The following TACC1 variants were observed in gnomAD, a reference collection of about 807,000 sequenced individuals.
The protein encoded by TACC1 is transforming acidic coiled-coil-containing protein 1.
A neutral mutation model predicts 84.4 loss-of-function variants in TACC1; 48 were observed. The observed-to-expected ratio is 0.57, with a 90% CI of 0.45 to 0.72. The LOEUF (loss-of-function observed/expected upper bound fraction) is 0.72, where lower values mean the gene tolerates loss of function less well. Ranked by LOEUF, TACC1 falls within the 30% of genes least tolerant of loss-of-function variation. TACC1 has a pLI of 0.00. For synonymous variants in TACC1, 372 were observed against 376.3 expected, an observed-to-expected ratio of 0.99 and a Z score of 0.13; for missense variants, 920 against 973.0, an observed-to-expected ratio of 0.95 and a Z score of 0.72.
At chr8:38,753,130 C>T (rs571907764) in intron 3 of TACC1, among the ~76,000 whole-genome samples, 3 of 152,150 alleles carry the variant, frequency 2.0e-5, no homozygotes, top group South Asian at 4.1e-4. Flanking sequence ...GACAGACTAT[C>T]GCTGTGTCGC....
chr8:38,818,523 T>C (rs904622439), intron 2 of TACC1, among the ~76,000 whole-genome samples: 3 of 152,210 alleles, frequency 2.0e-5, no homozygotes, highest in African/African-American at 7.2e-5. Context: ...CACAAGTGAT[T>C]TAGAGAATTC....
chr8:38,828,539 C>T (rs1009720077), intron 5 of TACC1, among the ~76,000 whole-genome samples: 1 of 152,062 alleles, frequency 6.6e-6, no homozygotes, highest in South Asian at 2.1e-4. Flanking sequence ...GGTAATAAAC[C>T]AGGGGAACTT....
At chr8:38,800,578 C>A (rs1176785918) in intron 2 of TACC1, among the ~76,000 whole-genome samples, 1 of 152,188 alleles carries the variant, frequency 6.6e-6, no homozygotes, top group Admixed American at 6.5e-5. Flanking sequence ...TATGTTGTAG[C>A]AAGTATCGGG....
chr8:38,814,554 T>C (rs1007772190), intron 2 of TACC1, among the ~76,000 whole-genome samples: 5 of 152,200 alleles, frequency 3.3e-5, no homozygotes, highest in Admixed American at 6.5e-5. Flanking sequence ...GTAGTAAATA[T>C]ACCATCTAGG....
intron 1 of TACC1, among the ~76,000 whole-genome samples, chr8:38,738,922 A>G (rs1282580451): frequency 6.6e-6 from 1 of 151,602 alleles, no homozygotes; most frequent in East Asian, 1.9e-4. Flanking sequence ...CTGAGCTCAC[A>G]CTCTGTCGCC....
At chr8:38,737,232 C>A (rs1448320623) in intron 1 of TACC1, among the ~76,000 whole-genome samples, 1 of 152,190 alleles carries the variant, frequency 6.6e-6, no homozygotes, top group Non-Finnish European at 1.5e-5. Flanking sequence ...CGCCTTCCCA[C>A]CAACTGGCCT....
In TACC1 at chr8:38,849,420, TG is replaced by T. The variant is rs1468702623; in HGVS notation, c.*1398del. The T allele has an allele frequency of 6.6e-6, 1 of 152,224 alleles. No individual in the cohort carries two copies. Among genetic ancestry groups the T allele is most frequent in the Non-Finnish European group, 1.5e-5 (1 of 68,038 alleles). The allele number at this position is 152,224 out of a possible 1,614,324, so 9.4% of individuals were successfully genotyped here. A position where few individuals can be genotyped will look rare whatever the true frequency, so the allele number is the denominator to read the frequency against. ...ATTTGAATAGGCAAACCCAAATCCA[TG>T]CAAGTGTTTTAAAGCACTGTCCTGT... On this transcript the variant is annotated 3_prime_UTR_variant, in exon 13 of 13. Transcript: ENST00000317827.
intron 3 of TACC1, among the ~76,000 whole-genome samples, chr8:38,771,963 C>T (rs1055524815): frequency 1.3e-5 from 2 of 151,924 alleles, no homozygotes; most frequent in African/African-American, 4.8e-5. Flanking sequence ...GCCCAGGGAC[C>T]ACACATTCAG....
chr8:38,755,752 C>CAACAACA (rs1554496270), intron 3 of TACC1, among the ~76,000 whole-genome samples: 4 of 93,042 alleles, frequency 4.3e-5, no homozygotes, highest in Non-Finnish European at 1.1e-4. Context: ...ACAACAACAA[C>CAACAACA]AGAGTGTTCC....
chr8:38,789,803 G>A (rs1217756747), intron 2 of TACC1, among the ~76,000 whole-genome samples: 1 of 152,186 alleles, frequency 6.6e-6, no homozygotes, highest in Non-Finnish European at 1.5e-5. Flanking sequence ...GTAAGGTGGA[G>A]GGTTCATGGT....
At chr8:38,757,068 C>T (rs1486805514) in intron 3 of TACC1, among the ~76,000 whole-genome samples, 3 of 152,212 alleles carry the variant, frequency 2.0e-5, no homozygotes, top group Admixed American at 6.5e-5. Context: ...TGCCCGGGCT[C>T]CCCGCAGCCC....
intron 3 of TACC1, among the ~76,000 whole-genome samples, chr8:38,763,604 G>A (rs1208183040): frequency 6.6e-6 from 1 of 152,096 alleles, no homozygotes; most frequent in Non-Finnish European, 1.5e-5. Flanking sequence ...CTCATCATCT[G>A]GAGATAATTG....
chr8:38,775,895 TA>T (rs773816334), intron 3 of TACC1, among the ~76,000 whole-genome samples: 1 of 152,174 alleles, frequency 6.6e-6, no homozygotes, highest in Non-Finnish European at 1.5e-5. Context: ...CATAGTTCTA[TA>T]AAATAATACA....
chr8:38,840,335 A>G, intron 9 of TACC1, 68 bp downstream of exon 9: 1 of 1,391,228 alleles, frequency 7.2e-7, no homozygotes, highest in Non-Finnish European at 1.0e-6. Context: ...TCAGCCTGGT[A>G]TAACAAAATA....
intron 3 of TACC1, among the ~76,000 whole-genome samples, chr8:38,772,749 GTAAA>G (rs1327912605): frequency 1.5e-4 from 23 of 151,872 alleles, no homozygotes; most frequent in Admixed American, 2.0e-4. Context: ...GTTAATAAAT[GTAAA>G]TAAATATTCA....
At chr8:38,833,126 G>T (rs1041254113) in intron 6 of TACC1, among the ~76,000 whole-genome samples, 2 of 152,240 alleles carry the variant, frequency 1.3e-5, no homozygotes, top group African/African-American at 4.8e-5. Flanking sequence ...TGTGATGGTA[G>T]ATTCTATAAC....
rs149269459 is a variant in TACC1, at chr8:38,806,079, A to C, written c.278-13443A>C. On this transcript the variant is annotated intron_variant, in intron 2 of 12. Transcript: ENST00000317827. Reference sequence around the variant, plus strand: ...TGTGTGAAGCTGTGAGGTCACCTCCACTAATGAGGACAGAGTAGAGGAGCG... The same window carrying C: ...TGTGTGAAGCTGTGAGGTCACCTCCCCTAATGAGGACAGAGTAGAGGAGCG... Among the ~76,000 whole-genome samples, 95 of 152,300 alleles carry C rather than the reference A, an allele frequency of 6.2e-4. 1 individual carries two copies. Among genetic ancestry groups the C allele is most frequent in the African/African-American group, 2.1e-3 (87 of 41,562 alleles).
At chr8:38,768,432 C>CA (rs1647138413) in intron 3 of TACC1, among the ~76,000 whole-genome samples, 1 of 152,226 alleles carries the variant, frequency 6.6e-6, no homozygotes, top group African/African-American at 2.4e-5. Context: ...TCTTCACACA[C>CA]AAATGTGTTG....
rs2152343449 is a variant in TACC1, at chr8:38,848,150, C to T, written c.*127C>T. ...AAAAAAAACTTAAAAAAAGCACATG[C>T]CTACTGCTGCCTGTCCCGCTTTGCT... On this transcript the variant is annotated 3_prime_UTR_variant, in exon 13 of 13. Coordinates refer to ENST00000317827, the MANE Select transcript of TACC1 (RefSeq NM_006283.3). The T allele has an allele frequency of 2.5e-6, 2 of 790,758 alleles. No homozygotes were observed. The highest frequency in any genetic ancestry group is 4.7e-4 in the Middle Eastern group (2 of 4,240). 49.0% of individuals were successfully genotyped at this position (790,758 alleles called of 1,614,324 possible).
Sources: allele counts gnomAD v4.1 joint callset (sites outside exome capture counted in the v4.1 genomes callset), GRCh38; gene constraint gnomAD v4.1.1; transcripts MANE v1.5; gene names NCBI Gene and HGNC (gene_info 2026-07-23, HGNC 2026-07-21).